ANK1: variants seen among roughly 807,000 people sequenced by gnomAD.
The protein encoded by ANK1 is ankyrin 1, also known as ankyrin-1.
Under a neutral mutation model 210.4 loss-of-function variants are expected in ANK1, and 51 were observed. The ratio of observed to expected loss-of-function variants is 0.24; its 90% confidence interval spans 0.19 to 0.31. The LOEUF (loss-of-function observed/expected upper bound fraction) is 0.31, where lower values mean the gene tolerates loss of function less well. Ranked by LOEUF, ANK1 falls within the 10% of genes least tolerant of loss-of-function variation. ANK1 has a pLI of 1.00. For missense variants in ANK1, 2,051 were observed against 2,504.4 expected (o/e 0.82, Z 3.86); for synonymous variants, 967 against 1,025.9 (o/e 0.94, Z 1.10).
At chr8:41,876,023 C>A (rs1200058932) in intron 1 of ANK1, among the ~76,000 whole-genome samples, 1 of 151,978 alleles carries the variant, frequency 6.6e-6, no homozygotes, top group Non-Finnish European at 1.5e-5. Flanking sequence ...CGTCCCGCGA[C>A]CTCGCAGGTT....
chr8:41,664,634 C>T (rs1334946410), intron 39 of ANK1, among the ~76,000 whole-genome samples: 1 of 152,026 alleles, frequency 6.6e-6, no homozygotes, highest in Non-Finnish European at 1.5e-5. Flanking sequence ...TTCTGGTGGG[C>T]GCACACACAC....
rs768793346 is a variant in ANK1 at position 41,694,114 on chromosome 8, C to T, written c.3328-12G>A. 4.3e-6 allele frequency: 7 copies of T among 1,612,304 alleles called. No homozygotes were observed. In the Admixed American group the frequency reaches 1.0e-4, roughly 23 times the overall value. On this transcript the variant is annotated splice_polypyrimidine_tract_variant and intron_variant, in intron 28 of 42. Coordinates refer to ENST00000289734, the MANE Select transcript of ANK1 (RefSeq NM_000037.4). The surrounding 1 kb of genome is among the most constrained non-coding windows in gnomAD (Gnocchi z 5.7). Reference sequence around the variant, plus strand: ...GGGACAGGCTGGGCCTGTGAAATGACAGAGGCAGGACACTCAGGCCCAAGC... The same window carrying T: ...GGGACAGGCTGGGCCTGTGAAATGATAGAGGCAGGACACTCAGGCCCAAGC...
At chr8:41,730,224 C>T (rs1219881361) in intron 3 of ANK1, among the ~76,000 whole-genome samples, 3 of 152,180 alleles carry the variant, frequency 2.0e-5, no homozygotes, top group Admixed American at 1.3e-4. Flanking sequence ...CCCGCTTCCC[C>T]GGGTCAGGGA....
rs1334826381 is a variant in ANK1, at chr8:41,714,859, CA to C, written c.1701+116del. 5 of 1,110,132 alleles carry C rather than the reference CA, an allele frequency of 4.5e-6. No homozygotes were observed. In the East Asian group the frequency reaches 1.2e-4, roughly 28 times the overall value. The allele number at this position is 1,110,132 out of a possible 1,614,324, so 68.8% of individuals were successfully genotyped here. A position where few individuals can be genotyped will look rare whatever the true frequency, so the allele number is the denominator to read the frequency against. On this transcript the variant is annotated intron_variant, in intron 15 of 42. Transcript: ENST00000289734. ...TGGGCAACAGAGCGAGACCCTGTCTCAAAGAAAAAAAAGATGAACAACACAG... is the reference window on the plus strand; with the variant it reads ...TGGGCAACAGAGCGAGACCCTGTCTCAAGAAAAAAAAGATGAACAACACAG...
chr8:41,683,609 CGT>C (rs1816800398), intron 37 of ANK1, among the ~76,000 whole-genome samples: 2 of 152,204 alleles, frequency 1.3e-5, no homozygotes, highest in South Asian at 4.1e-4. Flanking sequence ...GAGGAAGCCA[CGT>C]CACAGACATG....
At chr8:41,805,943 T>G (rs1850906615) in intron 1 of ANK1, among the ~76,000 whole-genome samples, 1 of 152,234 alleles carries the variant, frequency 6.6e-6, no homozygotes, top group Non-Finnish European at 1.5e-5. Flanking sequence ...TGAAATTCTT[T>G]TTGTATACTA....
rs764869583 is a variant in ANK1, at chr8:41,708,835, G to T, written c.1941C>A (p.His647Gln). 4.3e-6 allele frequency: 7 copies of T among 1,614,052 alleles called. No individual in the cohort carries two copies. The East Asian group carries it at 1.3e-4, about 31-fold the overall frequency. Residue 647 changes from histidine (H) to glutamine (Q), a missense_variant, in exon 17 of 43, where the codon CAC becomes CAA. Transcript: ENST00000289734. ...TPLHLAAQEG[H>Q]AEMVALLLSK... ...AGAGCAGCAGAGCCACCATCTCTGCGTGGCCCTCCTGGGCGGCCAGGTGAA... is the reference window on the plus strand; with the variant it reads ...AGAGCAGCAGAGCCACCATCTCTGCTTGGCCCTCCTGGGCGGCCAGGTGAA...
intron 22 of ANK1, chr8:41,700,386 C>T (rs937006321): frequency 2.5e-6 from 4 of 1,592,916 alleles, no homozygotes. Context: ...GGGTGAAATG[C>T]ACTCTAGTGA....
chr8:41,693,797 CTAAGGGGA>C, intron 29 of ANK1, 93 bp downstream of exon 29: 1 of 1,371,496 alleles, frequency 7.3e-7, no homozygotes, highest in South Asian at 1.3e-5. Flanking sequence ...TCAACAAAAA[CTAAGGGGA>C]TTGCTGGCCT....
At chr8:41,889,890 T>C (rs1260859568) in intron 1 of ANK1, among the ~76,000 whole-genome samples, 1 of 152,236 alleles carries the variant, frequency 6.6e-6, no homozygotes, top group Admixed American at 6.5e-5. Context: ...CCCATGCAGA[T>C]TACTGCGCAG....
chr8:41,668,296 C>T lies in ANK1; in HGVS notation c.5365G>A (p.Ala1789Thr), dbSNP rs753132695. The T allele has an allele frequency of 8.1e-6, 13 of 1,614,112 alleles. No homozygotes were observed. The highest frequency in any genetic ancestry group is 1.7e-5 in the Admixed American group (1 of 60,004). ...QQGQEEQVQE[A>T]KNTFTQVVQG... The stretch of plus-strand genomic sequence containing the variant: ...ACCACTTGGGTGAAGGTGTTCTTGG[C>T]CTCCTGCACCTGCTCTTCTTGGCCT... The change falls in exon 39 of 43, where the codon GCC becomes ACC. Residue 1789 changes from alanine to threonine, a missense_variant. Ala to Thr is a moderately conservative substitution (Grantham distance 58, BLOSUM62 0). Around this residue, in one of 6 missense-constraint regions of ANK1, gnomAD observed 496 missense variants for 533.4 expected, o/e 0.93. Transcript: ENST00000289734.
intron 1 of ANK1, among the ~76,000 whole-genome samples, chr8:41,788,557 C>T (rs932837752): frequency 1.3e-5 from 2 of 152,186 alleles, no homozygotes; most frequent in South Asian, 4.1e-4. Flanking sequence ...TCTCAGTTTC[C>T]TCATCTGTAA....
chr8:41,690,693 C>T, intron 31 of ANK1, 94 bp from the exon 32 acceptor site: 1 of 1,534,452 alleles, frequency 6.5e-7, no homozygotes, highest in Non-Finnish European at 8.9e-7. Flanking sequence ...CCAAGACACA[C>T]CCTGCCTCAG....
intron 1 of ANK1, among the ~76,000 whole-genome samples, chr8:41,759,856 G>T (rs866149078): frequency 6.6e-6 from 1 of 152,296 alleles, no homozygotes; most frequent in Middle Eastern, 3.4e-3. Context: ...AGATGAGTGG[G>T]CTGAGGCACA....
intron 37 of ANK1, among the ~76,000 whole-genome samples, chr8:41,674,323 A>T (rs1051525999): frequency 6.6e-6 from 1 of 151,480 alleles, no homozygotes; most frequent in Non-Finnish European, 1.5e-5. Context: ...ACACTCACAC[A>T]CTCTCTCTCA....
rs55653901 is a variant in ANK1, at chr8:41,721,656, C to CAAAAAAAA, written c.909+1461_909+1468dup. Reference sequence around the variant, plus strand: ...TGGGTGACTGAGTGAGACTTCATCTCAAAAAAAAAAAAAAAAAAAAAAAAA... The same window carrying CAAAAAAAA: ...TGGGTGACTGAGTGAGACTTCATCTCAAAAAAAAAAAAAAAAAAAAAAAAAAAAAAAAA... On this transcript the variant is annotated intron_variant, in intron 9 of 42. Transcript: ENST00000289734. 9.1e-3 allele frequency among the ~76,000 whole-genome samples: 987 copies of CAAAAAAAA among 108,000 alleles called. 24 individuals carry two copies. Among genetic ancestry groups the CAAAAAAAA allele is most frequent in the Non-Finnish European group, 0.012 (655 of 53,906 alleles). The allele number at this position is 108,000 out of a possible 152,430, so 70.9% of individuals were successfully genotyped here. A position where few individuals can be genotyped will look rare whatever the true frequency, so the allele number is the denominator to read the frequency against.
chr8:41,881,192 T>C (rs1214793303), intron 1 of ANK1, among the ~76,000 whole-genome samples: 6 of 152,194 alleles, frequency 3.9e-5, no homozygotes, highest in African/African-American at 1.4e-4. Flanking sequence ...TGTCTTCTAG[T>C]CTAGTCCAGA....
chr8:41,760,208 A>C (rs1840087765), intron 1 of ANK1, among the ~76,000 whole-genome samples: 1 of 152,166 alleles, frequency 6.6e-6, no homozygotes, highest in Admixed American at 6.5e-5. Context: ...TCACCACCCA[A>C]ATCTCATCTT....
At chr8:41,894,342 C>T (rs1029394331) in intron 1 of ANK1, among the ~76,000 whole-genome samples, 1 of 151,808 alleles carries the variant, frequency 6.6e-6, no homozygotes, top group Non-Finnish European at 1.5e-5. Context: ...AACAAGATAA[C>T]ACCATTTGGG....
Sources: allele counts gnomAD v4.1 joint callset (sites outside exome capture counted in the v4.1 genomes callset), GRCh38; gene constraint gnomAD v4.1.1; regional missense constraint gnomAD v4.1.1; non-coding constraint Gnocchi (gnomAD v3.1); transcripts MANE v1.5; gene names NCBI Gene and HGNC (gene_info 2026-07-23, HGNC 2026-07-21).